NAALADL2: variants seen among roughly 807,000 people sequenced by gnomAD.
NAALADL2 encodes N-acetylated alpha-linked acidic dipeptidase like 2, also known as inactive N-acetylated-alpha-linked acidic dipeptidase-like protein 2.
Under a neutral mutation model 87.2 loss-of-function variants are expected in NAALADL2, and 76 were observed. That is an observed-to-expected ratio of 0.87 (90% CI 0.72 to 1.05). The LOEUF is 1.05. NAALADL2 is among the 50% of genes least tolerant of loss of function. NAALADL2 has a pLI of 0.00. For missense variants in NAALADL2, 1,089 were observed against 945.8 expected, an observed-to-expected ratio of 1.15 and a Z score of -1.99; for synonymous variants, 354 against 331.0, an observed-to-expected ratio of 1.07 and a Z score of -0.75.
intron 1 of NAALADL2, among the ~76,000 whole-genome samples, chr3:174,882,869 A>G (rs768704322): frequency 2.1e-5 from 3 of 141,188 alleles, no homozygotes; most frequent in Non-Finnish European, 4.5e-5. Flanking sequence ...ACATATGTGT[A>G]TATGTGTATA....
intron 5 of NAALADL2, among the ~76,000 whole-genome samples, chr3:175,356,720 C>T (rs1764422372): frequency 6.6e-6 from 1 of 151,752 alleles, no homozygotes; most frequent in Non-Finnish European, 1.5e-5. Context: ...AGCTAGGCAC[C>T]AGAGTGCAAG....
rs1241946176 is a variant in NAALADL2, at chr3:175,116,540, C to T, written c.545+19249C>T. Among the ~76,000 whole-genome samples, 7 of 152,074 alleles carry T rather than the reference C, an allele frequency of 4.6e-5. 1 individual carries two copies. In the South Asian group the frequency reaches 1.0e-3, roughly 23 times the overall value. Reference sequence around the variant, plus strand: ...CCAACTTACAAGGGATGTGAAGGACCTCTTCAAGGAGCACTACAAACCACT... The same window carrying T: ...CCAACTTACAAGGGATGTGAAGGACTTCTTCAAGGAGCACTACAAACCACT... On this transcript the variant is annotated intron_variant, in intron 2 of 13. Coordinates refer to ENST00000454872, the MANE Select transcript of NAALADL2 (RefSeq NM_207015.3).
In NAALADL2 at chr3:175,143,112, C is replaced by T. The variant is rs148511049; in HGVS notation, c.545+45821C>T. Among the ~76,000 whole-genome samples the T allele has an allele frequency of 2.6e-3, 391 of 152,058 alleles. 2 individuals carry two copies. Among genetic ancestry groups the T allele is most frequent in the Middle Eastern group, 0.02 (6 of 294 alleles). ...ACTTTGGGCAAGGTACTTGCTTCAA[C>T]CTCTTCATTCACAAATCGTAATACT... On this transcript the variant is annotated intron_variant, in intron 2 of 13. Transcript: ENST00000454872.
intron 1 of NAALADL2, among the ~76,000 whole-genome samples, chr3:175,089,410 T>C (rs1161337243): frequency 6.6e-6 from 1 of 152,226 alleles, no homozygotes. Context: ...AGATTTAACA[T>C]GCCAGCTCTT....
intron 1 of NAALADL2, among the ~76,000 whole-genome samples, chr3:175,069,323 C>A (rs1715146276): frequency 6.7e-6 from 1 of 149,736 alleles, no homozygotes; most frequent in African/African-American, 2.5e-5. Flanking sequence ...AAGAAAAAAA[C>A]AAACAACCCC....
chr3:175,213,324 A>G (rs1742039666), intron 2 of NAALADL2, among the ~76,000 whole-genome samples: 1 of 152,036 alleles, frequency 6.6e-6, no homozygotes, highest in Non-Finnish European at 1.5e-5. Context: ...GTCCTACTAG[A>G]TATTAAGGGA....
At chr3:174,877,817 T>C (rs1728693021) in intron 1 of NAALADL2, among the ~76,000 whole-genome samples, 1 of 152,004 alleles carries the variant, frequency 6.6e-6, no homozygotes, top group African/African-American at 2.4e-5. Flanking sequence ...TTTGCATAGT[T>C]TAAAGATGAT....
intron 1 of NAALADL2, among the ~76,000 whole-genome samples, chr3:174,875,611 T>C: frequency 6.6e-6 from 1 of 152,158 alleles, no homozygotes; most frequent in East Asian, 1.9e-4. Context: ...ATATTCCTGT[T>C]GAAACATATT....
chr3:175,358,493 T>TA (rs759884037), intron 5 of NAALADL2, among the ~76,000 whole-genome samples: 403 of 146,194 alleles, frequency 2.8e-3, no homozygotes, highest in South Asian at 0.016. Flanking sequence ...GGGAGTAGTT[T>TA]AAAAAAAAAA....
intron 1 of NAALADL2, among the ~76,000 whole-genome samples, chr3:175,070,318 A>G (rs75088814): frequency 0.11 from 16,785 of 151,774 alleles, 1,054 homozygotes; most frequent in East Asian, 0.21. Context: ...GAATTATTAG[A>G]CCTTGTGGTG....
At chr3:174,650,570 A>C (rs1724253643) in intron 2 of NAALADL2, among the ~76,000 whole-genome samples, 2 of 152,162 alleles carry the variant, frequency 1.3e-5, no homozygotes, top group Non-Finnish European at 2.9e-5. Context: ...AATTCATCTT[A>C]AGAATTTTTG....
intron 2 of NAALADL2, among the ~76,000 whole-genome samples, chr3:175,216,559 G>A (rs201493355): frequency 1.3e-5 from 2 of 151,996 alleles, no homozygotes; most frequent in East Asian, 3.9e-4. Flanking sequence ...GACTATTGGG[G>A]ATGGAGGTCT....
rs6786241 is a variant in NAALADL2, at chr3:175,348,952, A to C, written c.1090+24627A>C. On this transcript the variant is annotated intron_variant, in intron 5 of 13. Coordinates refer to ENST00000454872, the MANE Select transcript of NAALADL2 (RefSeq NM_207015.3). ...AGAAGCAAAAAGAAGAAAATAAAGC[A>C]TCCCTGTTAATCTTACCAAATGGAT... Among the ~76,000 whole-genome samples, 561 of 152,272 alleles carry C rather than the reference A, an allele frequency of 3.7e-3. 6 individuals are homozygous for C. Among genetic ancestry groups the C allele is most frequent in the African/African-American group, 0.013 (542 of 41,564 alleles).
chr3:175,629,035 A>AT lies in NAALADL2; in HGVS notation c.1896+1656dup, dbSNP rs1233365728. On this transcript the variant is annotated intron_variant, in intron 11 of 13. Transcript: ENST00000454872. ...TTTAGTATCTCCCTCCTTTGATCAT[A>AT]TTTTTTTGTATATAACAGGATAGAA... Among the ~76,000 whole-genome samples the AT allele has an allele frequency of 5.3e-5, 8 of 150,378 alleles. 1 individual carries two copies. In the East Asian group the frequency reaches 1.5e-3, roughly 29 times the overall value.
chr3:175,634,019 G>A lies in NAALADL2; in HGVS notation c.1896+6633G>A, dbSNP rs1373277020. ...CAGAATAAGAAAATATTTGTGTAAA[G>A]CCTGAAAATCAAGGTAATTTTTATA... is the stretch of plus-strand genomic sequence containing the variant. On this transcript the variant is annotated intron_variant, in intron 11 of 13. Coordinates refer to ENST00000454872, the MANE Select transcript of NAALADL2 (RefSeq NM_207015.3). Among the ~76,000 whole-genome samples, 10 of 151,872 alleles carry A rather than the reference G, an allele frequency of 6.6e-5. No homozygotes were observed. In the East Asian group the frequency reaches 1.6e-3, roughly 24 times the overall value.
chr3:175,013,068 TA>T (rs1750110542), intron 1 of NAALADL2, among the ~76,000 whole-genome samples: 1 of 116,598 alleles, frequency 8.6e-6, no homozygotes, highest in Non-Finnish European at 1.7e-5. Context: ...TACACATATA[TA>T]TAAATATGTA....
chr3:174,880,285 C>T (rs182914639), intron 1 of NAALADL2, among the ~76,000 whole-genome samples: 166 of 152,200 alleles, frequency 1.1e-3, no homozygotes, highest in African/African-American at 3.8e-3. Context: ...TCTGGCATTG[C>T]ACATCTCAGT....
chr3:174,935,878 G>A (rs1737618349), intron 1 of NAALADL2, among the ~76,000 whole-genome samples: 1 of 152,034 alleles, frequency 6.6e-6, no homozygotes, highest in African/African-American at 2.4e-5. Flanking sequence ...GATAAGTCTA[G>A]CAAACTTTAA....
intron 10 of NAALADL2, among the ~76,000 whole-genome samples, chr3:175,606,701 C>T (rs6781659): frequency 0.74 from 112,803 of 151,872 alleles, 42,154 homozygotes; most frequent in East Asian, 0.88. Flanking sequence ...AAATCCATAT[C>T]ATGATTCGCT....
Sources: allele counts gnomAD v4.1 joint callset (sites outside exome capture counted in the v4.1 genomes callset), GRCh38; gene constraint gnomAD v4.1.1; transcripts MANE v1.5; gene names NCBI Gene and HGNC (gene_info 2026-07-23, HGNC 2026-07-21).